The following ATAD2 variants were observed in gnomAD, a reference collection of about 807,000 sequenced individuals.
The protein encoded by ATAD2 is ATPase family AAA domain containing 2, also known as ATPase family AAA domain-containing protein 2.
ATAD2 carries 62 observed loss-of-function variants against 168.9 expected under a neutral mutation model. The ratio of observed to expected loss-of-function variants is 0.37; its 90% CI spans 0.30 to 0.45. The LOEUF (loss-of-function observed/expected upper bound fraction) is 0.45, where lower values mean the gene tolerates loss of function less well. Ranked by LOEUF, ATAD2 falls within the 20% of genes least tolerant of loss-of-function variation. The pLI is 1.00. For missense variants in ATAD2, 1,419 were observed against 1,667.8 expected (o/e 0.85, Z 2.60); for synonymous variants, 613 against 571.6 (o/e 1.07, Z -1.03).
At chr8:123,393,744 C>A (rs1812702884) in intron 1 of ATAD2, among the ~76,000 whole-genome samples, 1 of 151,914 alleles carries the variant, frequency 6.6e-6, no homozygotes, top group Admixed American at 6.6e-5. Context: ...CAGTGAAACA[C>A]CGTCTCCACC....
At chr8:123,329,248 C>T (rs1436282527) in intron 24 of ATAD2, among the ~76,000 whole-genome samples, 1 of 152,092 alleles carries the variant, frequency 6.6e-6, no homozygotes, top group Admixed American at 6.6e-5. Context: ...ACTTATTGAG[C>T]ATTTATCATG....
intron 2 of ATAD2, among the ~76,000 whole-genome samples, chr8:123,374,092 C>T (rs1038916700): frequency 6.6e-6 from 1 of 152,150 alleles, no homozygotes; most frequent in African/African-American, 2.4e-5. Context: ...TGGCTGGGCA[C>T]AGTGGCTCAT....
At chr8:123,400,833 A>G (rs1215138561), upstream of ATAD2, 10 of 1,268,136 alleles carry the variant, frequency 7.9e-6, no homozygotes, top group Non-Finnish European at 9.2e-6. This position sits in a 1 kb window ranked among gnomAD's most constrained non-coding sequence, Gnocchi z 4.5. Context: ...CTCTGGTGGG[A>G]GGTATTGGTT....
chr8:123,343,520 C>A (rs1210202406), intron 19 of ATAD2, among the ~76,000 whole-genome samples: 1 of 152,072 alleles, frequency 6.6e-6, no homozygotes, highest in Non-Finnish European at 1.5e-5. Flanking sequence ...AAAATAAGCA[C>A]TCAATAAATA....
In ATAD2 at chr8:123,371,326, A is replaced by T; in HGVS notation, c.549T>A (p.Ala183=). The T allele has an allele frequency of 6.3e-7, 1 of 1,598,534 alleles. No homozygotes were observed. The highest frequency in any genetic ancestry group is 8.5e-7 in the Non-Finnish European group (1 of 1,174,166). The part of the protein sequence containing the change: ...FDKLITNTAE[A]VLQKMDDMKK... ...TCATGTCATCCATTTTTTGAAGTAC[A>T]GCTTCAGCAGTGCTTTAAAAAAAAG... Residue 183 remains alanine, a synonymous_variant, in exon 5 of 28, where the codon GCT becomes GCA. Transcript: ENST00000287394.
intron 25 of ATAD2, among the ~76,000 whole-genome samples, chr8:123,326,627 G>C (rs113285157): frequency 0.023 from 3,532 of 152,242 alleles, 68 homozygotes; most frequent in African/African-American, 0.04. Context: ...GCAGTGAGCA[G>C]AGATCATGCC....
In ATAD2 at chr8:123,369,121, G is replaced by T; in HGVS notation, c.986C>A (p.Ala329Glu). The change falls in exon 8 of 28, where the codon GCA becomes GAA. Residue 329 changes from alanine to glutamate, a missense_variant. Coordinates refer to ENST00000287394, the MANE Select transcript of ATAD2 (RefSeq NM_014109.4). ...NIFYSGPASP[A>E]RPRYRLSSAG... ...GGAAGATAATCGGTATCTTGGTCTT[G>T]CAGGAGAAGCTGGGCCACTATAAAA... 6.3e-7 allele frequency: 1 copy of T among 1,595,410 alleles called. No individual in the cohort carries two copies. Among genetic ancestry groups the T allele is most frequent in the Non-Finnish European group, 8.6e-7 (1 of 1,168,332 alleles).
At chr8:123,390,718 A>T (rs955538939) in intron 1 of ATAD2, among the ~76,000 whole-genome samples, 1 of 152,222 alleles carries the variant, frequency 6.6e-6, no homozygotes, top group African/African-American at 2.4e-5. Context: ...AACACACAGA[A>T]AAGTAAAAAT....
chr8:123,337,768 G>A lies in ATAD2; in HGVS notation c.2908C>T (p.Leu970=). The A allele has an allele frequency of 6.2e-7, 1 of 1,613,126 alleles. No homozygotes were observed. The change falls in exon 21 of 28, where the codon CTG becomes TTG. Residue 970 remains leucine (L), a synonymous_variant. Transcript: ENST00000287394. ...AGTCGTTTCACTTCTTCTGCTGTCA[G>A]TGATCTTGGCTCAGGTGGTGGTGCT... ...PVAPPPEPRS[L]TAEEVKRLEE... is the part of the protein sequence containing the mutation.
At chr8:123,329,443 C>T (rs1827711278) in intron 24 of ATAD2, among the ~76,000 whole-genome samples, 1 of 151,998 alleles carries the variant, frequency 6.6e-6, no homozygotes, top group Non-Finnish European at 1.5e-5. Flanking sequence ...CTTCTAAGCC[C>T]CTTATGTATG....
intron 25 of ATAD2, among the ~76,000 whole-genome samples, chr8:123,326,575 G>A (rs1443015953): frequency 1.3e-5 from 2 of 152,084 alleles, no homozygotes; most frequent in African/African-American, 2.4e-5. Flanking sequence ...CTGCTTGGGA[G>A]GCTGAGGTTT....
intron 1 of ATAD2, among the ~76,000 whole-genome samples, chr8:123,415,879 C>T (rs1813260892): frequency 6.6e-6 from 1 of 152,208 alleles, no homozygotes; most frequent in South Asian, 2.1e-4. Context: ...AGGCGTGAGC[C>T]ACCGCACCCG....
intron 24 of ATAD2, among the ~76,000 whole-genome samples, chr8:123,332,220 T>A (rs1315541562): frequency 6.6e-6 from 1 of 152,118 alleles, no homozygotes; most frequent in Admixed American, 6.6e-5. Context: ...TCCAAAAAAA[T>A]TTCCAAGATA....
chr8:123,354,606 C>T (rs1448500378), intron 13 of ATAD2, among the ~76,000 whole-genome samples: 4 of 151,718 alleles, frequency 2.6e-5, no homozygotes, highest in African/African-American at 9.7e-5. Context: ...CTCTGGGAGG[C>T]TGAGGCGGGC....
chr8:123,333,872 ACTT>A lies in ATAD2; in HGVS notation c.3478+3_3478+5del. ...TTTCATAAATGAAAACTACTTGAGT[ACTT>A]ACCAGGAGTGCTGCAAGCCACAGGA... On this transcript the variant is annotated splice_donor_5th_base_variant and intron_variant, in intron 24 of 27. Transcript: ENST00000287394. 6.3e-7 allele frequency: 1 copy of A among 1,599,504 alleles called. No individual in the cohort carries two copies. Among genetic ancestry groups the A allele is most frequent in the Non-Finnish European group, 8.5e-7 (1 of 1,173,344 alleles).
chr8:123,360,711 C>A (rs1007716929), intron 9 of ATAD2, among the ~76,000 whole-genome samples: 1 of 151,666 alleles, frequency 6.6e-6, no homozygotes, highest in Non-Finnish European at 1.5e-5. Context: ...GAACCTGTCT[C>A]TATTAAAAGA....
rs991186632 is a variant in ATAD2 at position 123,369,065 on chromosome 8, T to A, written c.1042A>T (p.Met348Leu). 2 of 1,571,474 alleles carry A rather than the reference T, an allele frequency of 1.3e-6. No homozygotes were observed. ...AGPRSPYCKR[M>L]NRRRHAIHSS... ...ACTATATCAGAACCAAACCTGTTCA[T>A]TCGTTTACAGTAAGGACTTCTTGGT... The change falls in exon 8 of 28, where the codon ATG becomes TTG. Residue 348 changes from methionine to leucine, a missense_variant. By Grantham distance (15) the Met-to-Leu change is conservative. This residue lies in a region of ATAD2 where 146 missense variants were observed against 188.3 expected (regional missense o/e 0.78). Transcript: ENST00000287394.
chr8:123,360,768 A>T (rs1828790370), intron 9 of ATAD2, among the ~76,000 whole-genome samples: 1 of 152,030 alleles, frequency 6.6e-6, no homozygotes, highest in African/African-American at 2.4e-5. Context: ...TCACTTACTC[A>T]ACCAGATCTG....
In ATAD2 at chr8:123,396,366, C is replaced by T. The variant is rs374405337; in HGVS notation, c.-9G>A. On this transcript the variant is annotated 5_prime_UTR_variant, in exon 1 of 28. Transcript: ENST00000287394. ...CTGCGGAGAACCACCATCTTCTCTCCCTACTGGCCTCGGCGTGCGCGACCG... is the reference window on the plus strand; with the variant it reads ...CTGCGGAGAACCACCATCTTCTCTCTCTACTGGCCTCGGCGTGCGCGACCG... 47 of 1,566,384 alleles carry T rather than the reference C, an allele frequency of 3.0e-5. No individual in the cohort carries two copies. In the African/African-American group the frequency reaches 6.0e-4, roughly 20 times the overall value.
Sources: gnomAD v4.1 joint callset for allele counts (sites outside exome capture counted in the v4.1 genomes callset) on GRCh38, gnomAD v4.1.1 for gene constraint, gnomAD v4.1.1 regional missense constraint, Gnocchi (gnomAD v3.1) non-coding constraint, MANE v1.5 for transcripts, NCBI Gene and HGNC (gene_info 2026-07-23, HGNC 2026-07-21) for gene names.